MACROD2: variants seen among roughly 807,000 people sequenced by gnomAD.
MACROD2 encodes the protein mono-ADP ribosylhydrolase 2.
Under a neutral mutation model 70.4 loss-of-function variants are expected in MACROD2, and 36 were observed. The ratio of observed to expected loss-of-function variants is 0.51; its 90% CI spans 0.39 to 0.68. The LOEUF (loss-of-function observed/expected upper bound fraction) is 0.68. Among genes scored for constraint, MACROD2 ranks in the 30% least tolerant of loss-of-function variants. The pLI, the probability that MACROD2 is intolerant of heterozygous loss-of-function variation, is 0.00. For missense variants in MACROD2, 496 were observed against 538.4 expected (o/e 0.92, Z 0.78); for synonymous variants, 172 against 178.8 (o/e 0.96, Z 0.30).
intron 6 of MACROD2, among the ~76,000 whole-genome samples, chr20:15,260,837 T>C (rs931852875): frequency 6.6e-6 from 1 of 152,090 alleles, no homozygotes; most frequent in Non-Finnish European, 1.5e-5. Flanking sequence ...ATAATGTATT[T>C]ACTTAGCTCC....
At chr20:14,806,850 C>T (rs995694833) in intron 5 of MACROD2, among the ~76,000 whole-genome samples, 3 of 152,092 alleles carry the variant, frequency 2.0e-5, no homozygotes, top group Non-Finnish European at 4.4e-5. Flanking sequence ...CAGGGCCCAC[C>T]GCAGCACTGC....
chr20:14,367,744 T>TA (rs2083285225), intron 3 of MACROD2, among the ~76,000 whole-genome samples: 1 of 152,120 alleles, frequency 6.6e-6, no homozygotes, highest in South Asian at 2.1e-4. Context: ...TGTCTTAGTG[T>TA]AGATCTCTTT....
chr20:14,145,150 T>C (rs73612338), intron 3 of MACROD2, among the ~76,000 whole-genome samples: 3 of 152,210 alleles, frequency 2.0e-5, no homozygotes, highest in Middle Eastern at 3.2e-3. Flanking sequence ...AAAAAAGCAC[T>C]GTATGTGTCC....
At chr20:14,413,482 A>G (rs2083771462) in intron 3 of MACROD2, among the ~76,000 whole-genome samples, 2 of 152,080 alleles carry the variant, frequency 1.3e-5, no homozygotes, top group African/African-American at 4.8e-5. Context: ...CTGTTGAAAG[A>G]CATTCTCTGG....
At chr20:15,906,828 C>G (rs2065154616) in intron 10 of MACROD2, among the ~76,000 whole-genome samples, 1 of 152,188 alleles carries the variant, frequency 6.6e-6, no homozygotes, top group Admixed American at 6.5e-5. Context: ...AGAAGTGATA[C>G]TGTGTTCTTC....
intron 4 of MACROD2, among the ~76,000 whole-genome samples, chr20:14,681,914 C>G (rs921898424): frequency 3.3e-5 from 5 of 152,100 alleles, no homozygotes; most frequent in Non-Finnish European, 7.4e-5. Context: ...TGAATGTAAG[C>G]AAGTTACTAA....
Position 16,023,473 on chromosome 20 carries a change from CAAAA to C in MACROD2, c.1154-17710_1154-17707del, listed in dbSNP as rs60347463. Among the ~76,000 whole-genome samples the C allele has an allele frequency of 8.8e-3, 630 of 71,428 alleles. 3 individuals are homozygous for C. Among genetic ancestry groups the C allele is most frequent in the African/African-American group, 0.029 (543 of 18,652 alleles). 46.9% of individuals were successfully genotyped at this position (71,428 alleles called of 152,430 possible). ...TAGGGGACAGAGCGAGACTCCATCTCAAAAAAAAAAAAAAAAAAAAAGAGATGGT... is the reference window on the plus strand; with the variant it reads ...TAGGGGACAGAGCGAGACTCCATCTCAAAAAAAAAAAAAAAAAGAGATGGT... On this transcript the variant is annotated intron_variant, in intron 15 of 17. Transcript: ENST00000684519.
Position 15,937,433 on chromosome 20 carries a change from G to A in MACROD2, c.839-43G>A, listed in dbSNP as rs190132274. On this transcript the variant is annotated intron_variant, in intron 11 of 17. Coordinates refer to ENST00000684519, the MANE Select transcript of MACROD2 (RefSeq NM_001351661.2). The stretch of plus-strand genomic sequence containing the variant: ...GCAGGAAAGCCACAGCTGGACTTCC[G>A]GAAGGATGAACTCTGAGGCAGTGTT... 796 of 1,598,760 alleles carry A rather than the reference G, an allele frequency of 5.0e-4. 5 individuals carry two copies. The African/African-American group carries it at 9.6e-3, about 19-fold the overall frequency.
intron 8 of MACROD2, among the ~76,000 whole-genome samples, chr20:15,635,338 G>A (rs558612154): frequency 3.7e-4 from 56 of 152,182 alleles, no homozygotes; most frequent in Non-Finnish European, 7.4e-4. Context: ...TTTGAGTTTC[G>A]GTCCATCTGT....
intron 9 of MACROD2, among the ~76,000 whole-genome samples, chr20:15,866,052 G>A (rs1201424531): frequency 1.3e-5 from 2 of 152,150 alleles, no homozygotes; most frequent in Admixed American, 6.6e-5. Context: ...CACAGGGAGG[G>A]AAGTTTAAGT....
chr20:14,338,136 T>C (rs1231317792), intron 3 of MACROD2, among the ~76,000 whole-genome samples: 1 of 152,188 alleles, frequency 6.6e-6, no homozygotes, highest in African/African-American at 2.4e-5. Flanking sequence ...GTGTGGTGGC[T>C]CACGCCTCTA....
At position 14,114,471 on chromosome 20, in the gene MACROD2, G is replaced by A. The variant is rs762976066; in HGVS notation, c.271+28743G>A. 9.0e-4 allele frequency among the ~76,000 whole-genome samples: 137 copies of A among 152,228 alleles called. 2 individuals carry two copies. The highest frequency in any genetic ancestry group is 3.7e-3 in the Admixed American group (57 of 15,288). On this transcript the variant is annotated intron_variant, in intron 3 of 17. Transcript: ENST00000684519. ...ATGACAGAGTGATTGATTGTCCAAA[G>A]CCTATAGATAGTAGCCTCCCCCTTT...
chr20:14,386,266 A>G (rs2083467040), intron 3 of MACROD2, among the ~76,000 whole-genome samples: 1 of 152,226 alleles, frequency 6.6e-6, no homozygotes, highest in Admixed American at 6.5e-5. Flanking sequence ...GTAGCAGTCT[A>G]TAAAATCTAT....
At chr20:14,054,447 A>G (rs2053609976) in intron 2 of MACROD2, among the ~76,000 whole-genome samples, 1 of 152,062 alleles carries the variant, frequency 6.6e-6, no homozygotes, top group Admixed American at 6.6e-5. Flanking sequence ...TAGCTAGCAC[A>G]CAGTTATGAG....
At chr20:15,439,050 C>G (rs1340798051) in intron 7 of MACROD2, among the ~76,000 whole-genome samples, 5 of 152,166 alleles carry the variant, frequency 3.3e-5, no homozygotes, top group Non-Finnish European at 7.4e-5. Context: ...AATGGAAACT[C>G]AAGAACTTAT....
intron 2 of MACROD2, among the ~76,000 whole-genome samples, chr20:14,069,052 G>C (rs1454149665): frequency 6.6e-6 from 1 of 152,088 alleles, no homozygotes; most frequent in African/African-American, 2.4e-5. Context: ...GGGTTCAAGC[G>C]ATTCTCCCGC....
intron 3 of MACROD2, among the ~76,000 whole-genome samples, chr20:14,407,038 A>T (rs2083697787): frequency 6.6e-6 from 1 of 151,862 alleles, no homozygotes; most frequent in African/African-American, 2.4e-5. Flanking sequence ...TTATAGTCCT[A>T]ATGGTCTACA....
At chr20:15,020,093 C>T (rs2075153070) in intron 5 of MACROD2, among the ~76,000 whole-genome samples, 1 of 152,068 alleles carries the variant, frequency 6.6e-6, no homozygotes, top group Non-Finnish European at 1.5e-5. Context: ...CTGGGTTATA[C>T]TGAAAGAGAT....
At chr20:15,957,563 G>A (rs1412470181) in intron 12 of MACROD2, among the ~76,000 whole-genome samples, 1 of 152,058 alleles carries the variant, frequency 6.6e-6, no homozygotes, top group Non-Finnish European at 1.5e-5. Flanking sequence ...ATCCTCTCCT[G>A]TTCTCAGCTG....
Sources: allele counts gnomAD v4.1 joint callset (sites outside exome capture counted in the v4.1 genomes callset), GRCh38; gene constraint gnomAD v4.1.1; transcripts MANE v1.5; gene names NCBI Gene and HGNC (gene_info 2026-07-23, HGNC 2026-07-21).